The following LOC128706665 variants were observed in gnomAD, a reference collection of about 807,000 sequenced individuals.
At chr20:10,414,339 C>G in the LOC128706665 span, among the ~76,000 whole-genome samples, 1 of 146,354 alleles carries the variant, frequency 6.8e-6, no homozygotes, top group Admixed American at 7.0e-5. Flanking sequence ...GATCTTGGCT[C>G]ACCACAACCT....
chr20:10,419,174 C>T, the LOC128706665 span, among the ~76,000 whole-genome samples: 2 of 152,240 alleles, frequency 1.3e-5, no homozygotes, highest in East Asian at 3.9e-4. Flanking sequence ...CAGAACCTTA[C>T]ACTCATCTAT....
At chr20:10,418,121 G>T in the LOC128706665 span, among the ~76,000 whole-genome samples, 1 of 152,300 alleles carries the variant, frequency 6.6e-6, no homozygotes, top group Admixed American at 6.5e-5. Flanking sequence ...ATGCAAATGT[G>T]TTTGTGTATG....
the LOC128706665 span, chr20:10,431,590 A>G: frequency 6.6e-6 from 1 of 152,204 alleles, no homozygotes; most frequent in African/African-American, 2.4e-5. Flanking sequence ...AAAACTGCAT[A>G]AAGTCTTTAC....
At chr20:10,434,028 G>A in the LOC128706665 span, 2 of 152,378 alleles carry the variant, frequency 1.3e-5, no homozygotes, top group African/African-American at 2.4e-5. Flanking sequence ...GGGTGGAGAG[G>A]GAGGCGCCTA....
the LOC128706665 span, among the ~76,000 whole-genome samples, chr20:10,414,327 G>A: frequency 4.1e-5 from 6 of 146,074 alleles, no homozygotes; most frequent in African/African-American, 2.6e-5. Context: ...GTGCAATGGC[G>A]TGATCTTGGC....
chr20:10,416,379 G>T, the LOC128706665 span, among the ~76,000 whole-genome samples: 1 of 151,976 alleles, frequency 6.6e-6, no homozygotes, highest in Non-Finnish European at 1.5e-5. Flanking sequence ...CAAAAGTAAG[G>T]ATGTTATTAA....
the LOC128706665 span, among the ~76,000 whole-genome samples, chr20:10,418,917 A>C: frequency 6.6e-6 from 1 of 152,088 alleles, no homozygotes. Context: ...TATAAATACA[A>C]ATTTTATATA....
chr20:10,422,569 TG>T, the LOC128706665 span, among the ~76,000 whole-genome samples: 1 of 152,190 alleles, frequency 6.6e-6, no homozygotes. Context: ...TCAGCTGGCC[TG>T]TGTTGATTGA....
the LOC128706665 span, among the ~76,000 whole-genome samples, chr20:10,431,468 G>A: frequency 2.0e-5 from 3 of 151,800 alleles, no homozygotes; most frequent in South Asian, 2.1e-4. Flanking sequence ...GAGAATACAG[G>A]TTTGAGAAGA....
At chr20:10,423,207 G>A in the LOC128706665 span, among the ~76,000 whole-genome samples, 1 of 152,080 alleles carries the variant, frequency 6.6e-6, no homozygotes, top group Non-Finnish European at 1.5e-5. Context: ...GGGAGCCTGA[G>A]GTGGGCGGAT....
chr20:10,424,307 G>C, the LOC128706665 span, among the ~76,000 whole-genome samples: 6 of 151,996 alleles, frequency 3.9e-5, no homozygotes, highest in Non-Finnish European at 7.4e-5. Context: ...TGTTACCCCA[G>C]CACTCTAGGA....
chr20:10,418,922 T>C, the LOC128706665 span, among the ~76,000 whole-genome samples: 2 of 152,158 alleles, frequency 1.3e-5, no homozygotes, highest in Non-Finnish European at 2.9e-5. Flanking sequence ...ATACAAATTT[T>C]ATATAGAATG....
chr20:10,432,959 C>A, the LOC128706665 span, among the ~76,000 whole-genome samples: 1 of 152,202 alleles, frequency 6.6e-6, no homozygotes, highest in Non-Finnish European at 1.5e-5. Context: ...GAAAAAAGGT[C>A]TGCACGTGTT....
At chr20:10,432,785 T>C in the LOC128706665 span, among the ~76,000 whole-genome samples, 1 of 55,744 alleles carries the variant, frequency 1.8e-5, no homozygotes, top group Admixed American at 1.8e-4. Context: ...GCGAGACTCT[T>C]TGTCAAAAAA....
At chr20:10,432,380 G>C in the LOC128706665 span, among the ~76,000 whole-genome samples, 2 of 152,132 alleles carry the variant, frequency 1.3e-5, no homozygotes, top group African/African-American at 4.8e-5. Flanking sequence ...ACCCAACCTA[G>C]GACAATCTAG....
At chr20:10,413,929 T>A in the LOC128706665 span, 3 of 409,246 alleles carry the variant, frequency 7.3e-6, no homozygotes, top group African/African-American at 4.1e-5. Flanking sequence ...GCTGCTTCTT[T>A]ACCTAATAAA....
the LOC128706665 span, among the ~76,000 whole-genome samples, chr20:10,428,753 C>T: frequency 2.0e-5 from 3 of 152,126 alleles, no homozygotes; most frequent in African/African-American, 4.8e-5. Context: ...ACAGGAGAAT[C>T]GCTTGAATCC....
the LOC128706665 span, among the ~76,000 whole-genome samples, chr20:10,429,611 C>T: frequency 6.6e-6 from 1 of 152,218 alleles, no homozygotes; most frequent in Admixed American, 6.5e-5. Context: ...GCATCATCTA[C>T]TAAGCCATTC....
chr20:10,426,996 A>G, the LOC128706665 span, among the ~76,000 whole-genome samples: 2 of 148,844 alleles, frequency 1.3e-5, no homozygotes, highest in African/African-American at 4.9e-5. Context: ...GTAATCTTTT[A>G]GAGTAGCTTA....
Sources: gnomAD v4.1 joint callset for allele counts (sites outside exome capture counted in the v4.1 genomes callset) on GRCh38, gnomAD v4.1.1 for gene constraint, MANE v1.5 for transcripts.